The following ARMH3 variants were observed in gnomAD, a reference collection of about 807,000 sequenced individuals.
ARMH3 encodes armadillo like helical domain containing 3.
In ARMH3, 60 loss-of-function variants were observed where a neutral mutation model predicts 99.1. That is an observed-to-expected ratio of 0.61 (90% CI 0.49 to 0.75). ARMH3 has a LOEUF of 0.75. Ranked by LOEUF, ARMH3 falls within the 30% of genes least tolerant of loss-of-function variation. The pLI is 0.00. For synonymous variants in ARMH3, 285 were observed against 292.8 expected, an observed-to-expected ratio of 0.97 and a Z score of 0.27; for missense variants, 679 against 843.1, an observed-to-expected ratio of 0.81 and a Z score of 2.41.
chr10:102,032,989 T>C (rs139392753), intron 4 of ARMH3, 37 bp downstream of exon 4: 21 of 1,607,924 alleles, frequency 1.3e-5, no homozygotes, highest in Middle Eastern at 1.7e-4. Flanking sequence ...TCCTTTCTCC[T>C]GTTAAACAAG....
chr10:101,988,922 C>CAAAAA (rs35605193), intron 19 of ARMH3, among the ~76,000 whole-genome samples: 11 of 56,552 alleles, frequency 1.9e-4, no homozygotes, highest in East Asian at 6.3e-4. Flanking sequence ...GACTCTGTCT[C>CAAAAA]AAAAAAAAAA....
intron 1 of ARMH3, among the ~76,000 whole-genome samples, chr10:102,043,296 T>C (rs1316002606): frequency 6.6e-6 from 1 of 152,170 alleles, no homozygotes; most frequent in African/African-American, 2.4e-5. Context: ...CTCGGTGACA[T>C]GGACAAGTTA....
intron 17 of ARMH3, among the ~76,000 whole-genome samples, chr10:101,992,788 G>A (rs979833254): frequency 4.0e-5 from 6 of 151,424 alleles, no homozygotes; most frequent in South Asian, 2.1e-4. Flanking sequence ...CACCAAGCCC[G>A]GCCCTCAATG....
chr10:101,871,048 T>C (rs2135364924), intron 24 of ARMH3, among the ~76,000 whole-genome samples: 1 of 152,202 alleles, frequency 6.6e-6, no homozygotes, highest in East Asian at 1.9e-4. Flanking sequence ...TATATTTCCA[T>C]AAACTAGCAA....
chr10:101,851,546 G>C (rs533797695), intron 24 of ARMH3, among the ~76,000 whole-genome samples: 23 of 152,314 alleles, frequency 1.5e-4, no homozygotes, highest in African/African-American at 5.5e-4. Flanking sequence ...GCCAGAGTCA[G>C]GATGGAGGAC....
At chr10:102,007,809 G>T (rs1339483886) in intron 13 of ARMH3, among the ~76,000 whole-genome samples, 17 of 147,638 alleles carry the variant, frequency 1.2e-4, no homozygotes, top group African/African-American at 4.3e-4. Context: ...CTCCAGCCTG[G>T]GTGACAGAGC....
intron 19 of ARMH3, among the ~76,000 whole-genome samples, chr10:101,977,596 T>C (rs1381969712): frequency 6.6e-6 from 1 of 152,226 alleles, no homozygotes; most frequent in Non-Finnish European, 1.5e-5. Context: ...CTCTAACTCA[T>C]GTTGAAACGT....
intron 2 of ARMH3, among the ~76,000 whole-genome samples, chr10:102,037,455 A>G (rs142368538): frequency 6.6e-6 from 1 of 152,258 alleles, no homozygotes; most frequent in African/African-American, 2.4e-5. Flanking sequence ...AACTGCTGGG[A>G]TTACAGGCGT....
In ARMH3 at chr10:101,847,395, G is replaced by A. The variant is rs1347082599; in HGVS notation, c.*133C>T. 2.8e-5 allele frequency: 24 copies of A among 846,476 alleles called. No homozygotes were observed. The highest frequency in any genetic ancestry group is 1.7e-4 in the Admixed American group (8 of 47,694). 52.4% of individuals were successfully genotyped at this position (846,476 alleles called of 1,614,324 possible). ...TGCTGCCCAAGCTCCATTGAAGTGC[G>A]GTCTTCACCAAGAGAACTTGGTATC... On this transcript the variant is annotated 3_prime_UTR_variant, in exon 26 of 26. Transcript: ENST00000370033.
chr10:101,908,332 A>C (rs573838363), intron 23 of ARMH3, among the ~76,000 whole-genome samples: 1 of 152,312 alleles, frequency 6.6e-6, no homozygotes, highest in Admixed American at 6.5e-5. Flanking sequence ...TTTACATATT[A>C]ATTTAACAAT....
chr10:102,015,547 C>A (rs1390837627), intron 8 of ARMH3, among the ~76,000 whole-genome samples: 1 of 152,034 alleles, frequency 6.6e-6, no homozygotes, highest in Admixed American at 6.6e-5. Flanking sequence ...TGTGCCACCA[C>A]GCCCAGCTAA....
chr10:101,854,765 T>G (rs1312416234), intron 24 of ARMH3, among the ~76,000 whole-genome samples: 2 of 152,068 alleles, frequency 1.3e-5, no homozygotes, highest in Non-Finnish European at 2.9e-5. Flanking sequence ...TTATACAAGT[T>G]TCTTAATGTC....
chr10:101,894,287 C>A (rs1312216809), intron 23 of ARMH3, among the ~76,000 whole-genome samples: 1 of 152,210 alleles, frequency 6.6e-6, no homozygotes, highest in Non-Finnish European at 1.5e-5. Context: ...TCTCTCCAGG[C>A]TCTTAGAAAG....
chr10:101,887,144 G>C (rs1165852002), intron 24 of ARMH3, among the ~76,000 whole-genome samples: 1 of 152,170 alleles, frequency 6.6e-6, no homozygotes, highest in African/African-American at 2.4e-5. Flanking sequence ...AATAAACCAA[G>C]TGTACTGTAA....
intron 20 of ARMH3, among the ~76,000 whole-genome samples, chr10:101,970,448 T>C (rs1357458595): frequency 6.6e-6 from 1 of 152,208 alleles, no homozygotes; most frequent in Non-Finnish European, 1.5e-5. Flanking sequence ...TTGGAGAATG[T>C]TGATCCATCA....
intron 22 of ARMH3, among the ~76,000 whole-genome samples, chr10:101,947,838 G>A (rs532914371): frequency 9.0e-4 from 125 of 138,510 alleles, no homozygotes; most frequent in Admixed American, 6.6e-3. Flanking sequence ...TAAATAAATA[G>A]ACCCTATATA....
intron 16 of ARMH3, among the ~76,000 whole-genome samples, chr10:101,994,951 G>A (rs1391437820): frequency 5.3e-5 from 8 of 152,144 alleles, no homozygotes; most frequent in East Asian, 3.9e-4. Flanking sequence ...CACGAGGATC[G>A]CTTGAACCTG....
At chr10:101,986,035 T>G (rs576117192) in intron 19 of ARMH3, among the ~76,000 whole-genome samples, 2 of 151,680 alleles carry the variant, frequency 1.3e-5, no homozygotes, top group East Asian at 3.9e-4. Flanking sequence ...TAAAAATAAA[T>G]GAAATAAAAT....
At chr10:101,998,277 G>A (rs1847152653) in intron 15 of ARMH3, among the ~76,000 whole-genome samples, 1 of 152,214 alleles carries the variant, frequency 6.6e-6, no homozygotes, top group Non-Finnish European at 1.5e-5. Context: ...GAGAAAGGAA[G>A]AGGTTACCAT....
Sources: gnomAD v4.1 joint callset for allele counts (sites outside exome capture counted in the v4.1 genomes callset) on GRCh38, gnomAD v4.1.1 for gene constraint, MANE v1.5 for transcripts, NCBI Gene and HGNC (gene_info 2026-07-23, HGNC 2026-07-21) for gene names.